Variants in GLIS1 observed in about 807,000 individuals in gnomAD.
GLIS1 encodes the protein zinc finger protein GLIS1.
In GLIS1, 24 loss-of-function variants were observed where a neutral mutation model predicts 63.8. The observed-to-expected ratio is 0.38, with a 90% CI of 0.27 to 0.53. The LOEUF is 0.53. GLIS1 is among the 20% of genes least tolerant of loss of function. GLIS1 has a pLI of 0.85. For synonymous variants in GLIS1, 450 were observed against 482.5 expected (o/e 0.93, Z 0.88); for missense variants, 1,036 against 1,074.1 (o/e 0.96, Z 0.50).
Position 53,510,045 on chromosome 1 carries a change from G to A in GLIS1, c.1884-18C>T, listed in dbSNP as rs1644283444. 2 of 1,255,530 alleles carry A rather than the reference G, an allele frequency of 1.6e-6. 1 individual carries two copies. Among genetic ancestry groups the A allele is most frequent in the East Asian group, 6.1e-5 (2 of 32,786 alleles). 77.8% of individuals were successfully genotyped at this position (1,255,530 alleles called of 1,614,324 possible). On this transcript the variant is annotated intron_variant, in intron 8 of 10. Transcript: ENST00000628545. The stretch of plus-strand genomic sequence containing the variant: ...GCCCCAACCTGGAGAGAACAGAGGT[G>A]CCCATCAGCAGGCAGGGGTCTGGAG...
chr1:53,704,045 G>A (rs1646551218), intron 2 of GLIS1, among the ~76,000 whole-genome samples: 1 of 152,182 alleles, frequency 6.6e-6, no homozygotes, highest in South Asian at 2.1e-4. Flanking sequence ...TCAATAAGAG[G>A]GATTTGTTTA....
intron 2 of GLIS1, among the ~76,000 whole-genome samples, chr1:53,668,816 A>G (rs1177608920): frequency 6.6e-6 from 1 of 152,182 alleles, no homozygotes; most frequent in East Asian, 1.9e-4. Context: ...ATATTCAGAC[A>G]ACAACAAAAT....
At chr1:53,530,018 AC>A in intron 4 of GLIS1, 66 bp from the exon 5 acceptor site, 13 of 1,493,160 alleles carry the variant, frequency 8.7e-6, no homozygotes, top group Non-Finnish European at 1.1e-5. Flanking sequence ...ATGGAAACTA[AC>A]CCCCCAGGCC....
chr1:53,669,082 G>C (rs1308533927), intron 2 of GLIS1, among the ~76,000 whole-genome samples: 1 of 152,232 alleles, frequency 6.6e-6, no homozygotes, highest in Non-Finnish European at 1.5e-5. Context: ...CATTCTCCCA[G>C]ACAATCTTCA....
chr1:53,669,002 G>A (rs865785893), intron 2 of GLIS1, among the ~76,000 whole-genome samples: 12 of 152,170 alleles, frequency 7.9e-5, no homozygotes, highest in Middle Eastern at 6.8e-3. Flanking sequence ...GTCCCCTTTG[G>A]CGCTCCTAAC....
intron 4 of GLIS1, among the ~76,000 whole-genome samples, chr1:53,593,605 C>T (rs1033941896): frequency 1.3e-5 from 2 of 152,184 alleles, no homozygotes; most frequent in Admixed American, 6.5e-5. Flanking sequence ...GCTCTCGAGC[C>T]GGGTGCCTGT....
chr1:53,655,281 A>G (rs1343439468), intron 2 of GLIS1, among the ~76,000 whole-genome samples: 2 of 152,200 alleles, frequency 1.3e-5, no homozygotes, highest in African/African-American at 2.4e-5. Context: ...AATGTTTCTT[A>G]TGCACACTGA....
At chr1:53,625,343 C>T (rs1039790070) in intron 2 of GLIS1, among the ~76,000 whole-genome samples, 3 of 152,124 alleles carry the variant, frequency 2.0e-5, no homozygotes, top group Non-Finnish European at 2.9e-5. Context: ...TTGAGTATTG[C>T]GGATCTGGGA....
chr1:53,530,264 C>T (rs932783007), intron 4 of GLIS1, among the ~76,000 whole-genome samples: 1 of 152,256 alleles, frequency 6.6e-6, no homozygotes, highest in African/African-American at 2.4e-5. Flanking sequence ...AGGCACTTGC[C>T]CTGACCACAG....
At chr1:53,656,086 G>C (rs745474489) in intron 2 of GLIS1, among the ~76,000 whole-genome samples, 1 of 152,216 alleles carries the variant, frequency 6.6e-6, no homozygotes, top group African/African-American at 2.4e-5. Flanking sequence ...TGGGGAAGGG[G>C]GGTTGGCTCT....
chr1:53,709,720 C>A (rs1405458230), intron 2 of GLIS1, among the ~76,000 whole-genome samples: 3 of 152,116 alleles, frequency 2.0e-5, no homozygotes, highest in Admixed American at 6.6e-5. Context: ...CATGAACCCC[C>A]CAGAGGCAGT....
intron 2 of GLIS1, among the ~76,000 whole-genome samples, chr1:53,674,903 GC>G (rs1196769360): frequency 2.0e-5 from 3 of 152,168 alleles, no homozygotes; most frequent in Non-Finnish European, 4.4e-5. Flanking sequence ...GATGAGCCAA[GC>G]CTGGCATGCA....
intron 2 of GLIS1, among the ~76,000 whole-genome samples, chr1:53,621,551 A>C (rs928825332): frequency 6.6e-6 from 1 of 152,284 alleles, no homozygotes; most frequent in African/African-American, 2.4e-5. Flanking sequence ...TTACTTCGCC[A>C]AATGGCTACA....
At chr1:53,566,080 T>C (rs1455072938) in intron 4 of GLIS1, among the ~76,000 whole-genome samples, 1 of 152,186 alleles carries the variant, frequency 6.6e-6, no homozygotes, top group Non-Finnish European at 1.5e-5. Flanking sequence ...ATAGCTTAAT[T>C]ATGATAACCT....
chr1:53,709,687 C>T (rs12025857), intron 2 of GLIS1, among the ~76,000 whole-genome samples: 38,849 of 151,972 alleles, frequency 0.26, 5,243 homozygotes, highest in African/African-American at 0.35. Flanking sequence ...TTAATGTCAG[C>T]GACAGAAAGC....
At chr1:53,535,406 C>G (rs1006957508) in intron 4 of GLIS1, among the ~76,000 whole-genome samples, 2 of 152,060 alleles carry the variant, frequency 1.3e-5, no homozygotes, top group Non-Finnish European at 2.9e-5. Flanking sequence ...CTGGGCTGGA[C>G]CGGTGCAGGA....
intron 4 of GLIS1, among the ~76,000 whole-genome samples, chr1:53,581,509 G>A (rs1645084313): frequency 6.6e-6 from 1 of 152,152 alleles, no homozygotes; most frequent in South Asian, 2.1e-4. Context: ...AGATACAGAG[G>A]GAACAAAACA....
intron 1 of GLIS1, among the ~76,000 whole-genome samples, chr1:53,738,761 G>A (rs1271926706): frequency 2.6e-5 from 4 of 152,174 alleles, no homozygotes; most frequent in Admixed American, 6.5e-5. Context: ...CCCGTCGCGC[G>A]CGCAAACCGG....
intron 5 of GLIS1, 117 bp downstream of exon 5, chr1:53,529,674 A>G: frequency 9.3e-7 from 1 of 1,076,542 alleles, no homozygotes; most frequent in East Asian, 2.4e-5. Context: ...CCTGCCAAGC[A>G]TCTCCTGCCC....
Sources: allele counts gnomAD v4.1 joint callset (sites outside exome capture counted in the v4.1 genomes callset), GRCh38; gene constraint gnomAD v4.1.1; transcripts MANE v1.5; gene names NCBI Gene and HGNC (gene_info 2026-07-23, HGNC 2026-07-21).